Variants in CTTNBP2NL observed in about 807,000 individuals in gnomAD.
CTTNBP2NL encodes the protein CTTNBP2 N-terminal like.
Under a neutral mutation model 32.5 loss-of-function variants are expected in CTTNBP2NL, and 16 were observed. That is an observed-to-expected ratio of 0.49 (90% CI 0.33 to 0.75). The LOEUF is 0.75. Among genes scored for constraint, CTTNBP2NL ranks in the 30% least tolerant of loss-of-function variants. CTTNBP2NL has a pLI of 0.02. For missense variants in CTTNBP2NL, 645 were observed against 756.0 expected (o/e 0.85, Z 1.72); for synonymous variants, 298 against 289.4 (o/e 1.03, Z -0.30).
At chr1:112,427,835 G>A (rs913922935) in intron 3 of CTTNBP2NL, among the ~76,000 whole-genome samples, 8 of 150,204 alleles carry the variant, frequency 5.3e-5, no homozygotes, top group Non-Finnish European at 5.9e-5. Context: ...GGCAGAGGTT[G>A]CAGTGAGCCG....
At position 112,424,661 on chromosome 1, in the gene CTTNBP2NL, T is replaced by A. The variant is rs114700234; in HGVS notation, c.99+8397T>A. On this transcript the variant is annotated intron_variant, in intron 3 of 5. Coordinates refer to ENST00000271277, the MANE Select transcript of CTTNBP2NL (RefSeq NM_018704.3). ...TTTCGATCCATGAATATGCTATATC[T>A]CATCATTTATTTAGGTTGTCTTTAA... is the stretch of plus-strand genomic sequence containing the variant. Among the ~76,000 whole-genome samples the A allele has an allele frequency of 2.3e-3, 344 of 152,340 alleles. 2 individuals carry two copies. The highest frequency in any genetic ancestry group is 7.8e-3 in the African/African-American group (323 of 41,582).
intron 2 of CTTNBP2NL, 51 bp downstream of exon 2, chr1:112,412,368 T>A (rs1275663330): frequency 1.3e-5 from 2 of 152,216 alleles, no homozygotes; most frequent in Admixed American, 6.5e-5. Flanking sequence ...TAAAATCTAA[T>A]GCAATTTTAC....
Position 112,457,165 on chromosome 1 carries a change from C to T in CTTNBP2NL, c.1673C>T (p.Pro558Leu), listed in dbSNP as rs748508967. Residue 558 changes from proline to leucine, a missense_variant, in exon 6 of 6, where the codon CCC becomes CTC. Pro to Leu is a moderately conservative substitution (Grantham distance 98). Transcript: ENST00000271277. ...CCTACTCCAGGGAAAGTGTCCAGTC[C>T]CCTGAGCCCCCTGTCTCCAGGAATC... ...HSPTPGKVSSPLSPLSPGIKS... is the reference protein window; with the variant it reads ...HSPTPGKVSSLLSPLSPGIKS... The T allele has an allele frequency of 3.7e-6, 6 of 1,614,026 alleles. No homozygotes were observed. The highest frequency in any genetic ancestry group is 5.1e-6 in the Non-Finnish European group (6 of 1,180,052).
chr1:112,438,534 C>T (rs931816889), intron 3 of CTTNBP2NL, among the ~76,000 whole-genome samples: 1 of 152,074 alleles, frequency 6.6e-6, no homozygotes, highest in African/African-American at 2.4e-5. Flanking sequence ...AGTTTGACTT[C>T]CTCTTTTCTT....
rs1557900316 is a variant in CTTNBP2NL at position 112,457,388 on chromosome 1, G to A, written c.1896G>A (p.Glu632=). The A allele has an allele frequency of 1.2e-6, 2 of 1,612,766 alleles. No individual in the cohort carries two copies. Among genetic ancestry groups the A allele is most frequent in the Non-Finnish European group, 1.7e-6 (2 of 1,179,076 alleles). ...NTVVANGKDV[E]LLLPTSS ...TTGTAGCAAATGGTAAGGATGTTGA[G>A]TTACTTTTGCCTACCAGCAGCTAGT... The change falls in exon 6 of 6, where the codon GAG becomes GAA. Residue 632 remains glutamate (E), a synonymous_variant. Transcript: ENST00000271277.
intron 1 of CTTNBP2NL, among the ~76,000 whole-genome samples, chr1:112,402,310 C>T (rs1413577610): frequency 2.6e-5 from 4 of 152,060 alleles, no homozygotes; most frequent in African/African-American, 9.7e-5. Flanking sequence ...CCCAGCTACT[C>T]GGGAGGCCAA....
At chr1:112,421,616 CAAA>C (rs34720155) in intron 3 of CTTNBP2NL, among the ~76,000 whole-genome samples, 3 of 70,986 alleles carry the variant, frequency 4.2e-5, no homozygotes, top group East Asian at 4.1e-4. Context: ...CCCATTTCTA[CAAA>C]AAAAAAAAAA....
intron 4 of CTTNBP2NL, among the ~76,000 whole-genome samples, chr1:112,453,588 C>CA (rs1650285959): frequency 6.6e-6 from 1 of 151,946 alleles, no homozygotes; most frequent in Non-Finnish European, 1.5e-5. Context: ...CCCATCTCTA[C>CA]AAAAAATACT....
upstream of CTTNBP2NL, among the ~76,000 whole-genome samples, chr1:112,393,131 T>G (rs1382096164): frequency 6.6e-6 from 1 of 152,116 alleles, no homozygotes; most frequent in Non-Finnish European, 1.5e-5. Flanking sequence ...GTGCTAGGAT[T>G]ACAGGAGTGA....
chr1:112,424,366 T>C (rs1649327410), intron 3 of CTTNBP2NL, among the ~76,000 whole-genome samples: 1 of 152,242 alleles, frequency 6.6e-6, no homozygotes, highest in Non-Finnish European at 1.5e-5. Context: ...GACCCTCTGT[T>C]CTGTTCTTTT....
intron 2 of CTTNBP2NL, among the ~76,000 whole-genome samples, chr1:112,414,103 C>T (rs1366984784): frequency 6.6e-6 from 1 of 151,806 alleles, no homozygotes; most frequent in East Asian, 1.9e-4. Context: ...TGGTGGCTCA[C>T]ACCTGTAATC....
intron 1 of CTTNBP2NL, among the ~76,000 whole-genome samples, chr1:112,407,422 T>A (rs1015236506): frequency 3.9e-5 from 6 of 152,228 alleles, no homozygotes; most frequent in Non-Finnish European, 7.3e-5. Context: ...GCGTCTCTCC[T>A]TGGCTTATAA....
At position 112,429,441 on chromosome 1, in the gene CTTNBP2NL, G is replaced by C. The variant is rs145938440; in HGVS notation, c.99+13177G>C. ...GCAGGAGGATCACTTGAGGTCAGAA[G>C]TTCCAAGCTCTAATGCAAAATGATT... On this transcript the variant is annotated intron_variant, in intron 3 of 5. Transcript: ENST00000271277. 5.3e-4 allele frequency among the ~76,000 whole-genome samples: 81 copies of C among 152,294 alleles called. 1 individual carries two copies. The East Asian group carries it at 0.014, about 27-fold the overall frequency.
intron 3 of CTTNBP2NL, among the ~76,000 whole-genome samples, chr1:112,416,736 C>G (rs943062518): frequency 6.6e-6 from 1 of 152,012 alleles, no homozygotes; most frequent in African/African-American, 2.4e-5. Flanking sequence ...GGTGATCCGC[C>G]CCCGCTTAGC....
chr1:112,444,109 T>C (rs1649970288), intron 3 of CTTNBP2NL, among the ~76,000 whole-genome samples: 1 of 152,224 alleles, frequency 6.6e-6, no homozygotes, highest in Admixed American at 6.5e-5. Context: ...GAATTGTCTC[T>C]TTAGTGGCAA....
At chr1:112,431,987 A>G (rs1649579917) in intron 3 of CTTNBP2NL, among the ~76,000 whole-genome samples, 1 of 152,052 alleles carries the variant, frequency 6.6e-6, no homozygotes, top group Non-Finnish European at 1.5e-5. Flanking sequence ...AAGGATACCT[A>G]ACATACTAAG....
intron 3 of CTTNBP2NL, among the ~76,000 whole-genome samples, chr1:112,423,546 GA>G (rs886353429): frequency 1.4e-3 from 213 of 149,402 alleles, no homozygotes; most frequent in African/African-American, 4.9e-3. Flanking sequence ...TCTAGACCAG[GA>G]AAAAAAAATG....
chr1:112,444,466 T>G (rs556141614), intron 3 of CTTNBP2NL, among the ~76,000 whole-genome samples: 13 of 152,340 alleles, frequency 8.5e-5, no homozygotes, highest in African/African-American at 3.1e-4. Context: ...CAGCCTGTGA[T>G]AGTAAAAATA....
chr1:112,455,912 C>G lies in CTTNBP2NL; in HGVS notation c.439-19C>G, dbSNP rs982484630. On this transcript the variant is annotated intron_variant, in intron 5 of 5. Coordinates refer to ENST00000271277, the MANE Select transcript of CTTNBP2NL (RefSeq NM_018704.3). ...GATCACAGTTTGTCAGTATGTCTCT[C>G]TTTTCTTTTTTTTTCTAGTTGGAAT... The G allele has an allele frequency of 1.3e-6, 2 of 1,564,366 alleles. No homozygotes were observed. Among genetic ancestry groups the G allele is most frequent in the African/African-American group, 1.4e-5 (1 of 72,708 alleles).
Sources: allele counts gnomAD v4.1 joint callset (sites outside exome capture counted in the v4.1 genomes callset), GRCh38; gene constraint gnomAD v4.1.1; transcripts MANE v1.5; gene names NCBI Gene and HGNC (gene_info 2026-07-23, HGNC 2026-07-21).